The following FKTN variants were observed in gnomAD, a reference collection of about 807,000 sequenced individuals.
The protein encoded by FKTN is fukutin.
In FKTN, 47 loss-of-function variants were observed where a neutral mutation model predicts 58.6. The ratio of observed to expected loss-of-function variants is 0.80; its 90% confidence interval spans 0.63 to 1.02. The LOEUF is 1.02. Ranked by LOEUF, FKTN falls within the 50% of genes least tolerant of loss-of-function variation. The probability of loss-of-function intolerance (pLI) is 0.00; values close to 1 mark genes in which losing one functional copy is unlikely to be tolerated. For missense variants in FKTN, 516 were observed against 537.3 expected, an observed-to-expected ratio of 0.96 and a Z score of 0.39; for synonymous variants, 178 against 191.9, an observed-to-expected ratio of 0.93 and a Z score of 0.60.
At chr9:105,566,009 T>C (rs1488550681) in intron 1 of FKTN, among the ~76,000 whole-genome samples, 3 of 152,006 alleles carry the variant, frequency 2.0e-5, no homozygotes, top group African/African-American at 7.2e-5. Context: ...TCAAAACCGC[T>C]CAAATACATG....
intron 3 of FKTN, among the ~76,000 whole-genome samples, chr9:105,579,565 T>C (rs1049733046): frequency 2.6e-5 from 4 of 151,498 alleles, no homozygotes; most frequent in African/African-American, 4.9e-5. Flanking sequence ...TTACATTTGC[T>C]GAGGAGAGCT....
At chr9:105,625,195 G>T (rs566013269) in intron 10 of FKTN, among the ~76,000 whole-genome samples, 4 of 152,278 alleles carry the variant, frequency 2.6e-5, no homozygotes, top group African/African-American at 9.6e-5. Context: ...ACATATAACT[G>T]CAGAGAGATA....
At chr9:105,575,216 CATA>C in intron 3 of FKTN, 79 bp downstream of exon 3, 1 of 858,000 alleles carries the variant, frequency 1.2e-6, no homozygotes, top group Non-Finnish European at 2.0e-6. Context: ...CTTTGCAATA[CATA>C]ATATTAATCA....
chr9:105,570,221 G>C lies in FKTN; in HGVS notation c.-180-3434G>C, dbSNP rs77057142. 5.7e-4 allele frequency among the ~76,000 whole-genome samples: 86 copies of C among 151,944 alleles called. 2 individuals carry two copies. The East Asian group carries it at 0.015, about 27-fold the overall frequency. ...AAAAGTTTTATTTAAATAGTTTTCT[G>C]TTTTCTTGAGCATTGTGCAGTGTAT... On this transcript the variant is annotated intron_variant, in intron 1 of 10. Transcript: ENST00000357998.
chr9:105,638,834 T>C lies in FKTN; in HGVS notation c.*3570T>C, dbSNP rs576292270. 1 of 984,750 alleles carries C rather than the reference T, an allele frequency of 1.0e-6. No individual in the cohort carries two copies. The highest frequency in any genetic ancestry group is 1.1e-4 in the East Asian group (1 of 8,822). The allele number at this position is 984,750 out of a possible 1,614,324, so 61.0% of individuals were successfully genotyped here. On this transcript the variant is annotated 3_prime_UTR_variant, in exon 11 of 11. Coordinates refer to ENST00000357998, the MANE Select transcript of FKTN (RefSeq NM_001079802.2). ...CTCATTCCTTTTTGAGTTTGTGACC[T>C]CAAACCATTGTTTTTATTCTTACAC...
chr9:105,569,968 T>A (rs1008524809), intron 1 of FKTN, among the ~76,000 whole-genome samples: 1 of 152,168 alleles, frequency 6.6e-6, no homozygotes, highest in Non-Finnish European at 1.5e-5. Flanking sequence ...CTAGTGTTTT[T>A]ATTATGATAG....
At chr9:105,567,790 A>T (rs1431721336) in intron 1 of FKTN, among the ~76,000 whole-genome samples, 1 of 152,232 alleles carries the variant, frequency 6.6e-6, no homozygotes, top group Admixed American at 6.5e-5. Context: ...GGAAAAAACT[A>T]CTTTAGAGTT....
At chr9:105,620,766 AATACTACTATAGTAG>A (rs1451703040) in intron 10 of FKTN, among the ~76,000 whole-genome samples, 1 of 134,668 alleles carries the variant, frequency 7.4e-6, no homozygotes, top group African/African-American at 2.8e-5. Context: ...TGCTGTTACT[AATACTACTATAGTAG>A]TAGTAGTAGT....
chr9:105,558,917 G>A (rs2131599022), intron 1 of FKTN, among the ~76,000 whole-genome samples: 1 of 152,256 alleles, frequency 6.6e-6, no homozygotes, highest in South Asian at 2.1e-4. Flanking sequence ...TTCTATTTGT[G>A]GACATAAGTT....
chr9:105,610,766 ATACCCCG>A (rs1829775822), intron 7 of FKTN, among the ~76,000 whole-genome samples: 1 of 151,972 alleles, frequency 6.6e-6, no homozygotes, highest in Non-Finnish European at 1.5e-5. Flanking sequence ...CTAGGCTCTG[ATACCCCG>A]TATCAGGCAA....
At chr9:105,563,482 A>G (rs187241069) in intron 1 of FKTN, among the ~76,000 whole-genome samples, 237 of 152,304 alleles carry the variant, frequency 1.6e-3, no homozygotes, top group African/African-American at 5.5e-3. Flanking sequence ...CAGTCTTAGC[A>G]AACAGCACAC....
Position 105,635,391 on chromosome 9 carries a change from A to G in FKTN, c.*127A>G. ...AAAAATGTGACAAGTTTGAAGACAC[A>G]GAAAGAGTCATCTGATGTAATTCTC... On this transcript the variant is annotated 3_prime_UTR_variant, in exon 11 of 11. Coordinates refer to ENST00000357998, the MANE Select transcript of FKTN (RefSeq NM_001079802.2). 6.6e-7 allele frequency: 1 copy of G among 1,517,742 alleles called. No homozygotes were observed. Among genetic ancestry groups the G allele is most frequent in the Non-Finnish European group, 8.8e-7 (1 of 1,135,882 alleles). The allele number at this position is 1,517,742 out of a possible 1,614,324, so 94.0% of individuals were successfully genotyped here.
chr9:105,570,010 T>C (rs191676715), intron 1 of FKTN, among the ~76,000 whole-genome samples: 143 of 152,300 alleles, frequency 9.4e-4, no homozygotes, highest in South Asian at 3.7e-3. Flanking sequence ...GAAGTGTATA[T>C]AGAAACAATA....
At chr9:105,571,946 T>C (rs763455321) in intron 1 of FKTN, among the ~76,000 whole-genome samples, 7 of 152,174 alleles carry the variant, frequency 4.6e-5, no homozygotes, top group Non-Finnish European at 7.4e-5. Flanking sequence ...CTGGTAAGTG[T>C]AATCCAAATA....
chr9:105,562,929 T>C (rs532547249), intron 1 of FKTN, among the ~76,000 whole-genome samples: 2 of 152,078 alleles, frequency 1.3e-5, no homozygotes, highest in Admixed American at 6.5e-5. Flanking sequence ...TGAACCTAAG[T>C]TAGGTGTCAG....
chr9:105,638,183 A>G lies in FKTN; in HGVS notation c.*2919A>G, dbSNP rs1370569147. On this transcript the variant is annotated 3_prime_UTR_variant, in exon 11 of 11. Transcript: ENST00000357998. ...CAAGACTGCCGTGACTCCTAGTCCA[A>G]TGTCTGTTTCGCATCACAACACAGT... The G allele has an allele frequency of 2.0e-6, 2 of 985,320 alleles. No individual in the cohort carries two copies. Among genetic ancestry groups the G allele is most frequent in the Non-Finnish European group, 2.4e-6 (2 of 829,938 alleles). 61.0% of individuals were successfully genotyped at this position (985,320 alleles called of 1,614,324 possible). A position where few individuals can be genotyped will look rare whatever the true frequency, so the allele number is the denominator to read the frequency against.
Position 105,638,650 on chromosome 9 carries a change from A to G in FKTN, c.*3386A>G. 1 of 985,346 alleles carries G rather than the reference A, an allele frequency of 1.0e-6. No homozygotes were observed. The highest frequency in any genetic ancestry group is 1.2e-6 in the Non-Finnish European group (1 of 829,874). The allele number at this position is 985,346 out of a possible 1,614,324, so 61.0% of individuals were successfully genotyped here. ...AGTGGTCTCATTCACAAAAAAGAATAATAGATGTAACTGGAGTCACTTTGC... is the reference window on the plus strand; with the variant it reads ...AGTGGTCTCATTCACAAAAAAGAATGATAGATGTAACTGGAGTCACTTTGC... On this transcript the variant is annotated 3_prime_UTR_variant, in exon 11 of 11. Transcript: ENST00000357998.
At chr9:105,618,149 A>C in intron 9 of FKTN, 57 bp downstream of exon 9, 1 of 1,354,590 alleles carries the variant, frequency 7.4e-7, no homozygotes, top group Non-Finnish European at 1.1e-6. Context: ...TGTAAAGTTT[A>C]CATTAAGCAA....
chr9:105,561,848 C>T (rs1838353892), intron 1 of FKTN, among the ~76,000 whole-genome samples: 1 of 151,610 alleles, frequency 6.6e-6, no homozygotes, highest in Non-Finnish European at 1.5e-5. Context: ...GAAAGACCAA[C>T]AGTATTTAGG....
Sources: allele counts gnomAD v4.1 joint callset (sites outside exome capture counted in the v4.1 genomes callset), GRCh38; gene constraint gnomAD v4.1.1; transcripts MANE v1.5; gene names NCBI Gene and HGNC (gene_info 2026-07-23, HGNC 2026-07-21).